Variants in ELMO1 observed in about 807,000 individuals in gnomAD.
ELMO1 encodes the protein engulfment and cell motility 1.
ELMO1 carries 26 observed loss-of-function variants against 98.9 expected under a neutral mutation model. The observed-to-expected ratio is 0.26, with a 90% CI of 0.19 to 0.36. The LOEUF is 0.36. Ranked by LOEUF, ELMO1 falls within the 10% of genes least tolerant of loss-of-function variation. ELMO1 has a pLI of 1.00. For missense variants in ELMO1, 627 were observed against 935.2 expected (o/e 0.67, Z 4.30); for synonymous variants, 346 against 346.0 (o/e 1.00, Z 0.00).
At chr7:37,090,583 C>A (rs1309546285) in intron 15 of ELMO1, among the ~76,000 whole-genome samples, 1 of 152,160 alleles carries the variant, frequency 6.6e-6, no homozygotes, top group African/African-American at 2.4e-5. Context: ...TTCTAGCCTA[C>A]CATTTCTCAC....
rs566798379 is a variant in ELMO1 at position 37,037,067 on chromosome 7, A to T, written c.1301-23632T>A. ...AGAAATACCATGGGGTTACTACAGA[A>T]TAAAAGATATTCTTCTAATGAAATA... is the stretch of plus-strand genomic sequence containing the variant. On this transcript the variant is annotated intron_variant, in intron 15 of 21. Transcript: ENST00000310758. Among the ~76,000 whole-genome samples the T allele has an allele frequency of 2.6e-3, 400 of 152,354 alleles. 2 individuals carry two copies. Among genetic ancestry groups the T allele is most frequent in the Non-Finnish European group, 4.2e-3 (285 of 68,018 alleles).
intron 15 of ELMO1, among the ~76,000 whole-genome samples, chr7:37,046,226 T>G (rs1039231579): frequency 2.0e-5 from 3 of 152,252 alleles, no homozygotes; most frequent in African/African-American, 7.2e-5. Context: ...AACTATCCAG[T>G]AATTATTATG....
chr7:37,354,542 C>G (rs1299110289), intron 1 of ELMO1, among the ~76,000 whole-genome samples: 2 of 152,362 alleles, frequency 1.3e-5, no homozygotes, highest in Admixed American at 1.3e-4. Context: ...ACTCCAAGCT[C>G]TCTTGCGCTT....
intron 13 of ELMO1, among the ~76,000 whole-genome samples, chr7:37,191,553 C>G (rs895778384): frequency 6.6e-5 from 10 of 151,938 alleles, no homozygotes; most frequent in Non-Finnish European, 4.4e-5. Flanking sequence ...CATGGAACCC[C>G]TTCTTGTAAA....
chr7:37,019,593 TAAAC>T (rs1794152196), intron 15 of ELMO1, among the ~76,000 whole-genome samples: 1 of 152,026 alleles, frequency 6.6e-6, no homozygotes, highest in African/African-American at 2.4e-5. Context: ...TAGGTTTAAA[TAAAC>T]AAAGAAAACC....
At chr7:37,110,553 A>G (rs1785194597) in intron 14 of ELMO1, among the ~76,000 whole-genome samples, 1 of 152,224 alleles carries the variant, frequency 6.6e-6, no homozygotes, top group African/African-American at 2.4e-5. Context: ...TGTTCTGCAC[A>G]TGTATCCCAG....
chr7:37,231,020 C>T (rs1026874037), intron 8 of ELMO1, among the ~76,000 whole-genome samples: 7 of 152,150 alleles, frequency 4.6e-5, no homozygotes, highest in Non-Finnish European at 1.0e-4. Flanking sequence ...CAGTTTCTTT[C>T]CTTTATGGCA....
chr7:37,067,439 C>A (rs1298527005), intron 15 of ELMO1, among the ~76,000 whole-genome samples: 3 of 152,158 alleles, frequency 2.0e-5, no homozygotes, highest in African/African-American at 7.2e-5. Context: ...AAAGTATTTT[C>A]TTCTTATACT....
chr7:36,896,557 C>T (rs1806013295), intron 16 of ELMO1, among the ~76,000 whole-genome samples: 2 of 152,238 alleles, frequency 1.3e-5, no homozygotes, highest in South Asian at 4.1e-4. Flanking sequence ...GTATTAGCTG[C>T]TTTGAACCTG....
At chr7:37,057,691 G>A (rs1796459567) in intron 15 of ELMO1, among the ~76,000 whole-genome samples, 1 of 151,938 alleles carries the variant, frequency 6.6e-6, no homozygotes, top group Admixed American at 6.6e-5. Flanking sequence ...GTGTGCATGT[G>A]CACACACACA....
chr7:36,913,350 G>C (rs1346903206), intron 16 of ELMO1, among the ~76,000 whole-genome samples: 2 of 152,204 alleles, frequency 1.3e-5, no homozygotes, highest in Non-Finnish European at 2.9e-5. Context: ...TGGGGGAATA[G>C]AATGTATTTA....
chr7:37,114,590 A>G (rs1374586492), intron 14 of ELMO1, among the ~76,000 whole-genome samples: 3 of 152,202 alleles, frequency 2.0e-5, no homozygotes, highest in Non-Finnish European at 2.9e-5. Flanking sequence ...CTGAACCCCT[A>G]TGGAAGGCAG....
intron 5 of ELMO1, among the ~76,000 whole-genome samples, chr7:37,262,256 C>T (rs1796015645): frequency 6.6e-6 from 1 of 152,136 alleles, no homozygotes; most frequent in Admixed American, 6.5e-5. Context: ...GGAATCAAGA[C>T]TGTGGAGTCC....
intron 6 of ELMO1, among the ~76,000 whole-genome samples, 172 bp from the exon 7 acceptor site, chr7:37,244,563 C>T (rs1794903426): frequency 6.6e-6 from 1 of 152,148 alleles, no homozygotes. Context: ...AACTGGTGTT[C>T]TTTAATGATC....
chr7:37,013,233 G>T, intron 16 of ELMO1, 66 bp downstream of exon 16: 1 of 1,590,126 alleles, frequency 6.3e-7, no homozygotes. Context: ...ACACAGCCAA[G>T]GGACCATGCA....
intron 13 of ELMO1, among the ~76,000 whole-genome samples, chr7:37,177,875 T>C (rs1247655350): frequency 6.6e-6 from 1 of 152,220 alleles, no homozygotes; most frequent in Non-Finnish European, 1.5e-5. Context: ...ACTTTATAGA[T>C]TGAAATCAGC....
chr7:37,199,882 C>T (rs1267229240), intron 13 of ELMO1, among the ~76,000 whole-genome samples: 1 of 152,176 alleles, frequency 6.6e-6, no homozygotes, highest in Non-Finnish European at 1.5e-5. Context: ...TGATGCTACA[C>T]TGAAGTGGAA....
chr7:36,959,064 T>C (rs1355222443), intron 16 of ELMO1, among the ~76,000 whole-genome samples: 1 of 152,060 alleles, frequency 6.6e-6, no homozygotes, highest in Non-Finnish European at 1.5e-5. Flanking sequence ...AGTGGTGCCA[T>C]CAAAACCTAA....
At chr7:37,103,146 ATAC>A (rs1187038637) in intron 14 of ELMO1, among the ~76,000 whole-genome samples, 4 of 152,242 alleles carry the variant, frequency 2.6e-5, no homozygotes, top group Admixed American at 2.6e-4. Context: ...GAGACAACTG[ATAC>A]TACTATCACC....
Sources: allele counts gnomAD v4.1 joint callset (sites outside exome capture counted in the v4.1 genomes callset), GRCh38; gene constraint gnomAD v4.1.1; transcripts MANE v1.5; gene names NCBI Gene and HGNC (gene_info 2026-07-23, HGNC 2026-07-21).